CKAP5: variants seen among roughly 807,000 people sequenced by gnomAD.
The protein encoded by CKAP5 is cytoskeleton associated protein 5.
Under a neutral mutation model 232.8 loss-of-function variants are expected in CKAP5, and 27 were observed. That is an observed-to-expected ratio of 0.12 (90% CI 0.09 to 0.16). CKAP5 has a LOEUF of 0.16. Ranked by LOEUF, CKAP5 falls within the 10% of genes least tolerant of loss-of-function variation. The pLI is 1.00. For missense variants in CKAP5, 1,838 were observed against 2,424.7 expected (o/e 0.76, Z 5.08); for synonymous variants, 785 against 841.1 (o/e 0.93, Z 1.16).
Position 46,780,282 on chromosome 11 carries a change from A to T in CKAP5, c.2345T>A (p.Met782Lys). 6 of 1,614,110 alleles carry T rather than the reference A, an allele frequency of 3.7e-6. No homozygotes were observed. Among genetic ancestry groups the T allele is most frequent in the Non-Finnish European group, 5.1e-6 (6 of 1,179,970 alleles). Residue 782 changes from methionine to lysine, a missense_variant, in exon 20 of 44, where the codon ATG (methionine) becomes AAG (lysine). Met to Lys is a moderately conservative substitution (Grantham distance 95). This residue lies in a region of CKAP5 where 767 missense variants were observed against 954.6 expected (regional missense o/e 0.80). Transcript: ENST00000529230. ...RTAAITLLGV[M>K]YLYVGPSLRM... ...CAAAGAGGGACCAACATACAGATAC[A>T]TCACGCCAAGCAGGGTTATGGCAGC...
Position 46,790,067 on chromosome 11 carries a change from A to C in CKAP5, c.1875+9T>G. 1 of 1,570,200 alleles carries C rather than the reference A, an allele frequency of 6.4e-7. No individual in the cohort carries two copies. The highest frequency in any genetic ancestry group is 1.7e-5 in the Admixed American group (1 of 58,430). ...TTTCTTTCACACTCAATTCTTCCCT[A>C]TGCACTACCTTCTGGAACTCTTCCA... On this transcript the variant is annotated intron_variant, in intron 15 of 43. Transcript: ENST00000529230.
At chr11:46,753,594 A>AT (rs142881611) in intron 36 of CKAP5, 97 bp from the exon 37 acceptor site, 10,022 of 875,196 alleles carry the variant, frequency 0.011, no homozygotes, top group South Asian at 0.013. Context: ...ATTATGTTGT[A>AT]TTTTTTTTTT....
intron 1 of CKAP5, among the ~76,000 whole-genome samples, chr11:46,843,549 G>A (rs1254089968): frequency 6.6e-6 from 1 of 150,598 alleles, no homozygotes; most frequent in Non-Finnish European, 1.5e-5. Context: ...TGGGCAACAA[G>A]GCAAAACCCC....
intron 24 of CKAP5, among the ~76,000 whole-genome samples, chr11:46,775,488 T>C: frequency 6.6e-6 from 1 of 152,172 alleles, no homozygotes; most frequent in East Asian, 1.9e-4. Context: ...ACCCAAAAGA[T>C]TATAAATCAT....
At position 46,743,897 on chromosome 11, in the gene CKAP5, C is replaced by G; in HGVS notation, c.*126G>C. ...TACTTGTGCCACAATGACTCCTCCC[C>G]CTAGCTCCACGGCATGATACATACA... On this transcript the variant is annotated 3_prime_UTR_variant, in exon 44 of 44. Transcript: ENST00000529230. 1.7e-6 allele frequency: 2 copies of G among 1,204,812 alleles called. No individual in the cohort carries two copies. The highest frequency in any genetic ancestry group is 2.4e-6 in the Non-Finnish European group (2 of 843,326). 74.6% of individuals were successfully genotyped at this position (1,204,812 alleles called of 1,614,324 possible). A position where few individuals can be genotyped will look rare whatever the true frequency, so the allele number is the denominator to read the frequency against.
rs1287744689 is a variant in CKAP5, at chr11:46,783,221, T to TA, written c.2249+52dup. ...AGCTATTATTATAAACAGCACGACT[T>TA]AGAGACTGACAGAACATTTAACTAT... On this transcript the variant is annotated intron_variant, in intron 18 of 43. Coordinates refer to ENST00000529230, the MANE Select transcript of CKAP5 (RefSeq NM_001008938.4). 15 of 1,041,854 alleles carry TA rather than the reference T, an allele frequency of 1.4e-5. 1 individual carries two copies. Among genetic ancestry groups the TA allele is most frequent in the Non-Finnish European group, 2.1e-5 (14 of 668,836 alleles). The allele number at this position is 1,041,854 out of a possible 1,614,324, so 64.5% of individuals were successfully genotyped here. A position where few individuals can be genotyped will look rare whatever the true frequency, so the allele number is the denominator to read the frequency against.
chr11:46,823,407 A>G (rs1213881602), intron 1 of CKAP5, among the ~76,000 whole-genome samples: 1 of 152,190 alleles, frequency 6.6e-6, no homozygotes, highest in Non-Finnish European at 1.5e-5. Context: ...TTTTCAATAC[A>G]CATGTAGTAA....
rs770753241 is a variant in CKAP5 at position 46,753,302 on chromosome 11, A to G, written c.5057+8T>C. 1.3e-6 allele frequency: 2 copies of G among 1,593,764 alleles called. No homozygotes were observed. Among genetic ancestry groups the G allele is most frequent in the South Asian group, 1.1e-5 (1 of 88,842 alleles). ...CCCAGGCTCTATTGGCTGAGAGTAC[A>G]GATATACCTCAGGATGTTGGTCTGG... is the stretch of plus-strand genomic sequence containing the variant. On this transcript the variant is annotated splice_region_variant and intron_variant, in intron 37 of 43. Coordinates refer to ENST00000529230, the MANE Select transcript of CKAP5 (RefSeq NM_001008938.4).
In CKAP5 at chr11:46,814,346, T is replaced by C. The variant is rs140329507; in HGVS notation, c.458+1852A>G. Among the ~76,000 whole-genome samples the C allele has an allele frequency of 1.4e-4, 21 of 152,210 alleles. No individual in the cohort carries two copies. The East Asian group carries it at 3.9e-3, about 28-fold the overall frequency. ...TAGAAACAAGGAAACTTCATTCACG[T>C]AAGAATCTAAGCAAGTCAAATTTTA... is the stretch of plus-strand genomic sequence containing the variant. On this transcript the variant is annotated intron_variant, in intron 4 of 43. Transcript: ENST00000529230.
chr11:46,789,788 T>C (rs1938665074), intron 15 of CKAP5, among the ~76,000 whole-genome samples: 1 of 151,930 alleles, frequency 6.6e-6, no homozygotes, highest in Non-Finnish European at 1.5e-5. Flanking sequence ...AGAGCAAGAT[T>C]CCGTCTCAAA....
At position 46,762,987 on chromosome 11, in the gene CKAP5, G is replaced by A. The variant is rs755359015; in HGVS notation, c.3880C>T (p.Leu1294Phe). The change falls in exon 30 of 44, where the codon CTT becomes TTT. Residue 1294 changes from leucine (L) to phenylalanine (F), a missense_variant. Physicochemically the swap from Leu to Phe is conservative, Grantham distance 22 (BLOSUM62 0). This residue lies in a region of CKAP5 where 48 missense variants were observed against 98.1 expected (regional missense o/e 0.49). Coordinates refer to ENST00000529230, the MANE Select transcript of CKAP5 (RefSeq NM_001008938.4). ...GAACACCACATTACCTTGACGACAA[G>A]ATAGGGGATGAAGGAAGATGCTTCA... is the stretch of plus-strand genomic sequence containing the variant. The part of the protein sequence containing the change: ...ENEASSFIPY[L>F]VVKVGEPKDV... 6.2e-7 allele frequency: 1 copy of A among 1,613,304 alleles called. No homozygotes were observed. The highest frequency in any genetic ancestry group is 1.7e-5 in the Admixed American group (1 of 60,012).
chr11:46,816,563 C>T (rs1372202843), intron 3 of CKAP5, among the ~76,000 whole-genome samples, 159 bp from the exon 4 acceptor site: 4 of 151,948 alleles, frequency 2.6e-5, no homozygotes, highest in East Asian at 1.9e-4. Flanking sequence ...AAAAACTTAA[C>T]GTTAAACATA....
At position 46,743,441 on chromosome 11, in the gene CKAP5, T is replaced by C. The variant is rs1342016557; in HGVS notation, c.*582A>G. On this transcript the variant is annotated 3_prime_UTR_variant, in exon 44 of 44. Coordinates refer to ENST00000529230, the MANE Select transcript of CKAP5 (RefSeq NM_001008938.4). ...AGAAAAAGGGAAGCTCTGTAAGCAGTAATTAACCTTTCTCTAACTGGCTGA... is the reference window on the plus strand; with the variant it reads ...AGAAAAAGGGAAGCTCTGTAAGCAGCAATTAACCTTTCTCTAACTGGCTGA... 1 of 154,574 alleles carries C rather than the reference T, an allele frequency of 6.5e-6. No homozygotes were observed. The highest frequency in any genetic ancestry group is 1.4e-5 in the Non-Finnish European group (1 of 69,398). The allele number at this position is 154,574 out of a possible 1,614,324, so 9.6% of individuals were successfully genotyped here. A position where few individuals can be genotyped will look rare whatever the true frequency, so the allele number is the denominator to read the frequency against.
intron 35 of CKAP5, among the ~76,000 whole-genome samples, chr11:46,757,394 G>A (rs1254497066): frequency 1.3e-5 from 2 of 151,138 alleles, no homozygotes; most frequent in Admixed American, 6.6e-5. Context: ...TAGGGAGGCC[G>A]AGGCAGGAGA....
At chr11:46,838,946 TG>T (rs1286681705) in intron 1 of CKAP5, among the ~76,000 whole-genome samples, 6 of 152,176 alleles carry the variant, frequency 3.9e-5, no homozygotes, top group Non-Finnish European at 5.9e-5. Flanking sequence ...TCAGAGAAGA[TG>T]ATGCCAGTTT....
At chr11:46,804,881 A>G (rs1939117553) in intron 8 of CKAP5, among the ~76,000 whole-genome samples, 1 of 151,688 alleles carries the variant, frequency 6.6e-6, no homozygotes, top group Non-Finnish European at 1.5e-5. Flanking sequence ...AAATGTCCAT[A>G]GGCATAGGCA....
At chr11:46,757,525 A>G (rs1179029390) in intron 35 of CKAP5, among the ~76,000 whole-genome samples, 1 of 152,018 alleles carries the variant, frequency 6.6e-6, no homozygotes, top group Non-Finnish European at 1.5e-5. Context: ...TCATTTTGTC[A>G]CATTGTTGTT....
At chr11:46,792,276 G>A (rs1437449059) in intron 13 of CKAP5, among the ~76,000 whole-genome samples, 2 of 152,088 alleles carry the variant, frequency 1.3e-5, no homozygotes, top group Admixed American at 6.6e-5. Flanking sequence ...ATCGAGGCTG[G>A]GCATGGTGGC....
At chr11:46,812,786 C>T (rs767621733) in intron 4 of CKAP5, among the ~76,000 whole-genome samples, 10 of 152,150 alleles carry the variant, frequency 6.6e-5, no homozygotes, top group Non-Finnish European at 4.4e-5. Context: ...TACAGAGGGG[C>T]ACCACCATGC....
Sources: gnomAD v4.1 joint callset for allele counts (sites outside exome capture counted in the v4.1 genomes callset) on GRCh38, gnomAD v4.1.1 for gene constraint, gnomAD v4.1.1 regional missense constraint, MANE v1.5 for transcripts, NCBI Gene and HGNC (gene_info 2026-07-23, HGNC 2026-07-21) for gene names.